Variants in ENTREP2 observed in about 807,000 individuals in gnomAD.
The protein encoded by ENTREP2 is endosomal transmembrane epsin interactor 2, also known as protein ENTREP2.
the ENTREP2 span, among the ~76,000 whole-genome samples, chr15:29,656,045 A>T: frequency 7.1e-6 from 1 of 140,212 alleles, no homozygotes; most frequent in East Asian, 2.2e-4. Context: ...AAAAAAAAAC[A>T]ACTATGTAGG....
At chr15:29,426,724 T>C in the ENTREP2 span, among the ~76,000 whole-genome samples, 1 of 152,242 alleles carries the variant, frequency 6.6e-6, no homozygotes, top group African/African-American at 2.4e-5. Context: ...TCACAGGTCA[T>C]AAGCCAGAGT....
At chr15:29,433,630 T>C in the ENTREP2 span, among the ~76,000 whole-genome samples, 71 of 152,192 alleles carry the variant, frequency 4.7e-4, 2 homozygotes, top group South Asian at 0.014. Context: ...AGAATCCCCA[T>C]AATAGGCTTC....
the ENTREP2 span, among the ~76,000 whole-genome samples, chr15:29,513,334 G>C: frequency 6.6e-6 from 1 of 152,102 alleles, no homozygotes; most frequent in Non-Finnish European, 1.5e-5. Flanking sequence ...TAATTATTAG[G>C]CTGCATCAAA....
the ENTREP2 span, among the ~76,000 whole-genome samples, chr15:29,444,084 CAG>C: frequency 1.3e-5 from 2 of 151,762 alleles, no homozygotes. Context: ...GCCTGGGCGA[CAG>C]AGCAAGACTC....
chr15:29,504,440 A>G, the ENTREP2 span, among the ~76,000 whole-genome samples: 1 of 152,250 alleles, frequency 6.6e-6, no homozygotes, highest in African/African-American at 2.4e-5. Context: ...CAAGTACTAC[A>G]TATTGATTCC....
At chr15:29,296,781 T>C in the ENTREP2 span, among the ~76,000 whole-genome samples, 1 of 152,026 alleles carries the variant, frequency 6.6e-6, no homozygotes, top group African/African-American at 2.4e-5. Context: ...AGGGAGAGAA[T>C]TGGTCAAATC....
At chr15:29,125,900 G>A in the ENTREP2 span, among the ~76,000 whole-genome samples, 4 of 152,158 alleles carry the variant, frequency 2.6e-5, no homozygotes, top group African/African-American at 7.2e-5. Flanking sequence ...TGCGTGGGGC[G>A]GCTCCAGCTG....
the ENTREP2 span, among the ~76,000 whole-genome samples, chr15:29,347,975 T>A: frequency 1.3e-5 from 2 of 152,084 alleles, no homozygotes; most frequent in South Asian, 4.2e-4. Context: ...GAGTCAGGTG[T>A]AACAAATATA....
the ENTREP2 span, among the ~76,000 whole-genome samples, chr15:29,518,140 A>G: frequency 6.6e-6 from 1 of 152,118 alleles, no homozygotes; most frequent in African/African-American, 2.4e-5. Context: ...CAGGAGTTGG[A>G]GGCTACAGCG....
chr15:29,197,758 T>A, the ENTREP2 span, among the ~76,000 whole-genome samples: 1 of 146,600 alleles, frequency 6.8e-6, no homozygotes, highest in African/African-American at 2.6e-5. Flanking sequence ...AGAGCAAGAC[T>A]CCATCTCAAA....
At chr15:29,409,044 T>C in the ENTREP2 span, among the ~76,000 whole-genome samples, 1 of 152,218 alleles carries the variant, frequency 6.6e-6, no homozygotes, top group Admixed American at 6.5e-5. Context: ...ATTTCCCAGA[T>C]TGTCCCCAGA....
chr15:29,397,958 A>G, the ENTREP2 span, among the ~76,000 whole-genome samples: 2 of 151,992 alleles, frequency 1.3e-5, no homozygotes, highest in Non-Finnish European at 2.9e-5. Flanking sequence ...TCAATATTTA[A>G]TGAATTTCCC....
chr15:29,512,863 C>T, the ENTREP2 span, among the ~76,000 whole-genome samples: 1 of 152,160 alleles, frequency 6.6e-6, no homozygotes, highest in Non-Finnish European at 1.5e-5. Context: ...TGCACAAATC[C>T]ACTGGTAAAC....
the ENTREP2 span, among the ~76,000 whole-genome samples, chr15:29,492,767 G>A: frequency 1.3e-5 from 2 of 152,236 alleles, no homozygotes; most frequent in African/African-American, 4.8e-5. Flanking sequence ...ACTTTGGGAG[G>A]CCAAAGCAGG....
the ENTREP2 span, among the ~76,000 whole-genome samples, chr15:29,408,131 A>G: frequency 6.6e-6 from 1 of 152,146 alleles, no homozygotes; most frequent in African/African-American, 2.4e-5. Flanking sequence ...CAACGATCTA[A>G]TATGTGCTGA....
chr15:29,486,912 G>A, the ENTREP2 span, among the ~76,000 whole-genome samples: 15 of 152,120 alleles, frequency 9.9e-5, no homozygotes, highest in Non-Finnish European at 1.0e-4. Flanking sequence ...AGGATGATGA[G>A]AGGTTGGTTA....
the ENTREP2 span, among the ~76,000 whole-genome samples, chr15:29,439,265 A>C: frequency 2.0e-5 from 3 of 148,526 alleles, no homozygotes; most frequent in Non-Finnish European, 4.4e-5. Context: ...AGCATCTTAT[A>C]GTGCTAGAAA....
the ENTREP2 span, among the ~76,000 whole-genome samples, chr15:29,624,649 G>A: frequency 6.6e-6 from 1 of 152,178 alleles, no homozygotes; most frequent in Non-Finnish European, 1.5e-5. Flanking sequence ...CAGCATCAGT[G>A]CTGGCTTTTA....
the ENTREP2 span, among the ~76,000 whole-genome samples, chr15:29,178,479 T>C: frequency 1.3e-5 from 2 of 152,208 alleles, no homozygotes; most frequent in South Asian, 4.1e-4. Context: ...CTGGACTAAT[T>C]GCTAGTCAGA....
Sources: allele counts gnomAD v4.1 joint callset (sites outside exome capture counted in the v4.1 genomes callset), GRCh38; gene constraint gnomAD v4.1.1; transcripts MANE v1.5; gene names NCBI Gene and HGNC (gene_info 2026-07-23, HGNC 2026-07-21).